Variants in FAM217A observed in about 807,000 individuals in gnomAD.
FAM217A encodes the protein protein FAM217A.
In FAM217A, 13 loss-of-function variants were observed where a neutral mutation model predicts 18.5. The ratio of observed to expected loss-of-function variants is 0.70; its 90% CI spans 0.46 to 1.12. FAM217A has a LOEUF of 1.12. FAM217A is among the 50% of genes most tolerant of loss of function. The pLI is 0.00. For missense variants in FAM217A, 560 were observed against 575.4 expected (o/e 0.97, Z 0.27); for synonymous variants, 161 against 202.8 (o/e 0.79, Z 1.75).
chr6:4,078,202 C>CCT (rs1769986436), intron 1 of FAM217A, among the ~76,000 whole-genome samples: 1 of 151,880 alleles, frequency 6.6e-6, no homozygotes, highest in Non-Finnish European at 1.5e-5. Context: ...TACAGGCGAG[C>CCT]ACCACTACGC....
At chr6:4,074,708 A>G in intron 2 of FAM217A, 47 bp from the exon 3 acceptor site, 12 of 1,380,814 alleles carry the variant, frequency 8.7e-6, no homozygotes, top group Non-Finnish European at 1.2e-5. Context: ...AAGAAAACAT[A>G]AAAAGCTCAA....
intron 1 of FAM217A, among the ~76,000 whole-genome samples, chr6:4,085,357 T>C (rs1440370392): frequency 1.3e-5 from 2 of 151,068 alleles, no homozygotes; most frequent in Non-Finnish European, 2.9e-5. Context: ...ATCCATCTGA[T>C]AGTTTATTTA....
chr6:4,076,768 T>C (rs1769826160), intron 2 of FAM217A, among the ~76,000 whole-genome samples: 1 of 152,142 alleles, frequency 6.6e-6, no homozygotes, highest in Non-Finnish European at 1.5e-5. Flanking sequence ...CTCGGGAGGC[T>C]GAGGCAGGAG....
Position 4,069,924 on chromosome 6 carries a change from T to C in FAM217A, c.303-4A>G, listed in dbSNP as rs1388386587. ...CACTGAAGATTTTTTGAATTCCCTT[T>C]AAAAAATAATTTAATTAATGAATGG... On this transcript the variant is annotated splice_polypyrimidine_tract_variant and splice_region_variant and intron_variant, in intron 6 of 6. Transcript: ENST00000274673. 2.6e-6 allele frequency: 4 copies of C among 1,529,248 alleles called. No individual in the cohort carries two copies. In the Admixed American group the frequency reaches 6.1e-5, roughly 23 times the overall value. 94.7% of individuals were successfully genotyped at this position (1,529,248 alleles called of 1,614,324 possible). A position where few individuals can be genotyped will look rare whatever the true frequency, so the allele number is the denominator to read the frequency against.
intron 4 of FAM217A, 131 bp downstream of exon 4, chr6:4,074,312 G>T: frequency 1.6e-6 from 1 of 642,300 alleles, no homozygotes; most frequent in Non-Finnish European, 2.6e-6. Flanking sequence ...ATTTGACTTT[G>T]ACTTGTGTGA....
rs751771007 is a variant in FAM217A, at chr6:4,069,650, T to C, written c.573A>G (p.Gly191=). The change falls in exon 7 of 7, where the codon GGA becomes GGG. Residue 191 remains glycine, a synonymous_variant. Transcript: ENST00000274673. ...TGAAATTTTCTTCCACACTGCTGTT[T>C]CCATGTTTCAAATTCCAATTTGGAG... ...LPAPNWNLKH[G]NSSVEENFTD... 1.2e-6 allele frequency: 2 copies of C among 1,614,202 alleles called. No individual in the cohort carries two copies. The highest frequency in any genetic ancestry group is 1.1e-5 in the South Asian group (1 of 91,084).
chr6:4,070,042 G>A (rs1332711983), intron 6 of FAM217A, 122 bp from the exon 7 acceptor site: 1 of 654,196 alleles, frequency 1.5e-6, no homozygotes, highest in East Asian at 2.9e-5. Context: ...TGGCATATGT[G>A]TATCTAGCTA....
upstream of FAM217A, among the ~76,000 whole-genome samples, chr6:4,082,664 T>C (rs552453163): frequency 5.0e-4 from 76 of 152,318 alleles, no homozygotes; most frequent in African/African-American, 1.8e-3. Context: ...CCTTGCTGGG[T>C]TCCCCCACTC....
At chr6:4,080,911 CA>C (rs11300347), upstream of FAM217A, among the ~76,000 whole-genome samples, 36,569 of 136,724 alleles carry the variant, frequency 0.27, 5,127 homozygotes, top group African/African-American at 0.4. Flanking sequence ...AGAAAAAATA[CA>C]AAAAAAAAAA....
At chr6:4,080,621 C>T (rs1052460484), upstream of FAM217A, among the ~76,000 whole-genome samples, 1 of 152,188 alleles carries the variant, frequency 6.6e-6, no homozygotes, top group African/African-American at 2.4e-5. Flanking sequence ...AAATACAGAC[C>T]TGCTCAACTG....
chr6:4,082,563 G>T (rs1016808035), upstream of FAM217A, among the ~76,000 whole-genome samples: 7 of 152,120 alleles, frequency 4.6e-5, no homozygotes, highest in Admixed American at 1.3e-4. Flanking sequence ...TGGCCATAAA[G>T]AAATTATCTG....
chr6:4,085,472 G>A (rs1017477572), intron 1 of FAM217A, among the ~76,000 whole-genome samples: 3 of 152,056 alleles, frequency 2.0e-5, no homozygotes, highest in African/African-American at 7.2e-5. Context: ...CAATGACTAA[G>A]AACATATGAG....
At chr6:4,078,049 C>CA (rs758657189) in intron 1 of FAM217A, among the ~76,000 whole-genome samples, 9 of 114,010 alleles carry the variant, frequency 7.9e-5, no homozygotes. Flanking sequence ...GAAAGAATCA[C>CA]TTTTTTTTTT....
In FAM217A at chr6:4,069,565, T is replaced by TA. The variant is rs747751681; in HGVS notation, c.657dup (p.Lys220Ter). 2 of 1,614,106 alleles carry TA rather than the reference T, an allele frequency of 1.2e-6. No individual in the cohort carries two copies. Among genetic ancestry groups the TA allele is most frequent in the Non-Finnish European group, 1.7e-6 (2 of 1,180,012 alleles). On this transcript the variant is annotated frameshift_variant, in exon 7 of 7. Transcript: ENST00000274673. LOFTEE classifies it low-confidence loss of function (END_TRUNC). Reference sequence around the variant, plus strand: ...GGCTTCAAGTTCAGGTCCACCTTTTTAAAATAGCTGAGTAAAGTATCATTT... The same window carrying TA: ...GGCTTCAAGTTCAGGTCCACCTTTTTAAAAATAGCTGAGTAAAGTATCATTT...
At chr6:4,082,828 A>C (rs1431104173), upstream of FAM217A, among the ~76,000 whole-genome samples, 5 of 152,186 alleles carry the variant, frequency 3.3e-5, no homozygotes, top group Admixed American at 1.3e-4. Context: ...ATGCTAAATA[A>C]ACGTGTATGC....
chr6:4,076,520 T>C (rs1211817911), intron 2 of FAM217A, among the ~76,000 whole-genome samples: 1 of 152,234 alleles, frequency 6.6e-6, no homozygotes, highest in East Asian at 1.9e-4. Flanking sequence ...TACTTTTGTA[T>C]GAAATGCACG....
At chr6:4,083,714 G>A (rs1215733025), upstream of FAM217A, among the ~76,000 whole-genome samples, 1 of 151,938 alleles carries the variant, frequency 6.6e-6, no homozygotes, top group Non-Finnish European at 1.5e-5. Context: ...ACCACGCCTG[G>A]CTAATTTTTT....
Position 4,073,277 on chromosome 6 carries a change from C to G in FAM217A, c.300G>C (p.Lys100Asn), listed in dbSNP as rs1444505137. ...TTACAAAATAACTACTCGCTTACCT[C>G]TTCTCTATGGTACTTCCTTCATTAA... ...CPLNEGSTIE[K>N]REFKKSSVET... Residue 100 changes from lysine (K) to asparagine (N), a missense_variant and splice_region_variant, in exon 6 of 7, where the codon AAG (lysine) becomes AAC (asparagine). Coordinates refer to ENST00000274673, the MANE Select transcript of FAM217A (RefSeq NM_173563.3). The G allele has an allele frequency of 1.2e-6, 2 of 1,603,546 alleles. No homozygotes were observed. Among genetic ancestry groups the G allele is most frequent in the Non-Finnish European group, 1.7e-6 (2 of 1,176,142 alleles).
At position 4,069,357 on chromosome 6, in the gene FAM217A, C is replaced by T. The variant is rs113650692; in HGVS notation, c.866G>A (p.Arg289His). 6 of 1,614,006 alleles carry T rather than the reference C, an allele frequency of 3.7e-6. No homozygotes were observed. Among genetic ancestry groups the T allele is most frequent in the Admixed American group, 1.7e-5 (1 of 60,006 alleles). Reference sequence around the variant, plus strand: ...TTGTAATCGTTCTAGTTCCAGTAAACGAGTTATCAAGTGTTCAACAGAGGT... The same window carrying T: ...TTGTAATCGTTCTAGTTCCAGTAAATGAGTTATCAAGTGTTCAACAGAGGT... ...AETSVEHLIT[R>H]LLELERLQHM... The change falls in exon 7 of 7, where the codon CGT (arginine) becomes CAT (histidine). Residue 289 changes from arginine to histidine, a missense_variant. Transcript: ENST00000274673.
Sources: allele counts gnomAD v4.1 joint callset (sites outside exome capture counted in the v4.1 genomes callset), GRCh38; gene constraint gnomAD v4.1.1; transcripts MANE v1.5; gene names NCBI Gene and HGNC (gene_info 2026-07-23, HGNC 2026-07-21).